Variants in EFS observed in about 807,000 individuals in gnomAD.
The protein encoded by EFS is embryonal Fyn-associated substrate.
EFS carries 34 observed loss-of-function variants against 42.2 expected under a neutral mutation model. That is an observed-to-expected ratio of 0.81 (90% CI 0.61 to 1.07). EFS has a LOEUF of 1.07. Among genes scored for constraint, EFS ranks in the 50% least tolerant of loss-of-function variants. EFS has a pLI of 0.00. For synonymous variants in EFS, 299 were observed against 320.7 expected (o/e 0.93, Z 0.72); for missense variants, 717 against 729.4 (o/e 0.98, Z 0.20).
In EFS at chr14:23,357,583, G is replaced by A. The variant is rs2231811; in HGVS notation, c.1329C>T (p.Cys443=). Residue 443 remains cysteine, a synonymous_variant, in exon 6 of 6, where the codon TGC becomes TGT. Coordinates refer to ENST00000216733, the MANE Select transcript of EFS (RefSeq NM_005864.4). ...LQLLYFYAGQ[C]QSHYSALQAA... Reference sequence around the variant, plus strand: ...CCTGCAGGGCTGAGTAGTGGCTCTGGCATTGCCCAGCATAGAAGTACAGGA... The same window carrying A: ...CCTGCAGGGCTGAGTAGTGGCTCTGACATTGCCCAGCATAGAAGTACAGGA... 72,368 of 1,599,832 alleles carry A rather than the reference G, an allele frequency of 0.045. 2,295 individuals are homozygous for A. The highest frequency in any genetic ancestry group is 0.13 in the South Asian group (11,883 of 89,724).
In EFS at chr14:23,359,675, G is replaced by T; in HGVS notation, c.803C>A (p.Pro268His). The change falls in exon 4 of 6, where the codon CCC (proline) becomes CAC (histidine). Residue 268 changes from proline (P) to histidine (H), a missense_variant. Physicochemically the swap from Pro to His is moderately conservative, Grantham distance 77 (BLOSUM62 -2). Transcript: ENST00000216733. Reference sequence around the variant, plus strand: ...GTCATGGGAGGCCAAGGCTCCAGGGGGCTCTGGAGAAGGGGGAGCCTCTGG... The same window carrying T: ...GTCATGGGAGGCCAAGGCTCCAGGGTGCTCTGGAGAAGGGGGAGCCTCTGG... Reference protein sequence around the residue: ...LGPEAPPSPEPPGALASHDQD... With the variant: ...LGPEAPPSPEHPGALASHDQD... 1 of 1,511,112 alleles carries T rather than the reference G, an allele frequency of 6.6e-7. No homozygotes were observed. The highest frequency in any genetic ancestry group is 8.8e-7 in the Non-Finnish European group (1 of 1,131,660). The allele number at this position is 1,511,112 out of a possible 1,614,324, so 93.6% of individuals were successfully genotyped here.
In EFS at chr14:23,359,738, C is replaced by T. The variant is rs774621751; in HGVS notation, c.740G>A (p.Gly247Asp). 7.9e-6 allele frequency: 12 copies of T among 1,516,236 alleles called. No individual in the cohort carries two copies. Among genetic ancestry groups the T allele is most frequent in the East Asian group, 6.9e-5 (3 of 43,426 alleles). 93.9% of individuals were successfully genotyped at this position (1,516,236 alleles called of 1,614,324 possible). A position where few individuals can be genotyped will look rare whatever the true frequency, so the allele number is the denominator to read the frequency against. The change falls in exon 4 of 6, where the codon GGC (glycine) becomes GAC (aspartate). Residue 247 changes from glycine (G) to aspartate (D), a missense_variant. Transcript: ENST00000216733. The part of the protein sequence containing the change: ...EELLADGEGG[G>D]TDEGIYDVPL... ...CACATCGTAGATCCCCTCATCAGTG[C>T]CCCCGCCCTCCCCGTCTGCCAGCAG... is the stretch of plus-strand genomic sequence containing the variant.
Position 23,359,453 on chromosome 14 carries a change from G to T in EFS, c.1025C>A (p.Pro342His). The T allele has an allele frequency of 6.2e-7, 1 of 1,604,646 alleles. No individual in the cohort carries two copies. The highest frequency in any genetic ancestry group is 8.5e-7 in the Non-Finnish European group (1 of 1,175,954). ...GGGGCCTCCATAACCAGGCAGGCGG[G>T]GTGGGGGTGGGGGCAGAGGCCGGTC... ...IQDRPLPPPP[P>H]RLPGYGGPKV... Residue 342 changes from proline (P) to histidine (H), a missense_variant, in exon 4 of 6, where the codon CCC becomes CAC. Coordinates refer to ENST00000216733, the MANE Select transcript of EFS (RefSeq NM_005864.4).
chr14:23,359,839 C>A lies in EFS; in HGVS notation c.639G>T (p.Gly213=). ...DLEWEGGREP[G]PPIYAAPSNL... Reference sequence around the variant, plus strand: ...TGGAGGGGGCAGCATAGATGGGGGGCCCCGGCTCCCGGCCTCCTTCCCACT... The same window carrying A: ...TGGAGGGGGCAGCATAGATGGGGGGACCCGGCTCCCGGCCTCCTTCCCACT... Residue 213 remains glycine, a synonymous_variant, in exon 4 of 6, where the codon GGG becomes GGT. Coordinates refer to ENST00000216733, the MANE Select transcript of EFS (RefSeq NM_005864.4). 6.6e-7 allele frequency: 1 copy of A among 1,523,384 alleles called. No homozygotes were observed. The highest frequency in any genetic ancestry group is 8.8e-7 in the Non-Finnish European group (1 of 1,138,918). The allele number at this position is 1,523,384 out of a possible 1,614,324, so 94.4% of individuals were successfully genotyped here.
At position 23,360,847 on chromosome 14, in the gene EFS, T is replaced by C; in HGVS notation, c.19-14A>G. On this transcript the variant is annotated splice_polypyrimidine_tract_variant and intron_variant, in intron 1 of 5. Transcript: ENST00000216733. ...GGCCAGCTGGGTCTGGTTGGGGAGG[T>C]GGGAGTGGGGAGAAGGGTCTTCAGA... 6.2e-7 allele frequency: 1 copy of C among 1,602,746 alleles called. No individual in the cohort carries two copies. Among genetic ancestry groups the C allele is most frequent in the Non-Finnish European group, 8.5e-7 (1 of 1,173,932 alleles).
rs769019153 is a variant in EFS, at chr14:23,364,976, C to T, written c.18+32G>A. ...CGCAGGGCAGGCCGTGGAGGTCTCT[C>T]CCCGGCAGCCTCCACTCCCTGGTGG... On this transcript the variant is annotated intron_variant, in intron 1 of 5. Transcript: ENST00000216733. 10 of 1,294,732 alleles carry T rather than the reference C, an allele frequency of 7.7e-6. No homozygotes were observed. The African/African-American group carries it at 1.2e-4, about 16-fold the overall frequency. The allele number at this position is 1,294,732 out of a possible 1,614,324, so 80.2% of individuals were successfully genotyped here. A position where few individuals can be genotyped will look rare whatever the true frequency, so the allele number is the denominator to read the frequency against.
Position 23,360,764 on chromosome 14 carries a change from C to T in EFS, c.88G>A (p.Asp30Asn), listed in dbSNP as rs993600542. Reference sequence around the variant, plus strand: ...TCTCTCTGCAGGACCCGTAGGACATCCCCTCGGCGGAAGGACAGCTCCTGG... The same window carrying T: ...TCTCTCTGCAGGACCCGTAGGACATTCCCTCGGCGGAAGGACAGCTCCTGG... ...SPQELSFRRG[D>N]VLRVLQREGA... is the part of the protein sequence containing the mutation. Residue 30 changes from aspartate to asparagine, a missense_variant, in exon 2 of 6, where the codon GAT (aspartate) becomes AAT (asparagine). Coordinates refer to ENST00000216733, the MANE Select transcript of EFS (RefSeq NM_005864.4). The T allele has an allele frequency of 6.2e-7, 1 of 1,613,928 alleles. No homozygotes were observed. The highest frequency in any genetic ancestry group is 1.3e-5 in the African/African-American group (1 of 74,922).
At position 23,358,933 on chromosome 14, in the gene EFS, C is replaced by T. The variant is rs754723164; in HGVS notation, c.1194G>A (p.Pro398=). 1.3e-5 allele frequency: 21 copies of T among 1,612,930 alleles called. No homozygotes were observed. The highest frequency in any genetic ancestry group is 2.7e-5 in the African/African-American group (2 of 74,882). ...GMDKAQGSRP[P]DQACTGDPEL... ...CAGGATCCCCTGTGCAGGCCTGATCCGGGGGCCTAGATCCCTGAGCTTTGT... is the reference window on the plus strand; with the variant it reads ...CAGGATCCCCTGTGCAGGCCTGATCTGGGGGCCTAGATCCCTGAGCTTTGT... Residue 398 remains proline, a synonymous_variant, in exon 5 of 6, where the codon CCG becomes CCA. Coordinates refer to ENST00000216733, the MANE Select transcript of EFS (RefSeq NM_005864.4).
intron 3 of EFS, 37 bp from the exon 4 acceptor site, chr14:23,360,076 C>T (rs374940836): frequency 1.9e-4 from 305 of 1,614,036 alleles, no homozygotes; most frequent in Non-Finnish European, 2.3e-4. Context: ...GTCAGCTCAG[C>T]GATGAACCCT....
intron 1 of EFS, among the ~76,000 whole-genome samples, chr14:23,363,075 G>C (rs931973556): frequency 6.6e-6 from 1 of 151,870 alleles, no homozygotes; most frequent in African/African-American, 2.4e-5. Context: ...CACCACGCCC[G>C]GCTAATTTTT....
In EFS at chr14:23,359,429, G is replaced by C; in HGVS notation, c.1049C>G (p.Pro350Arg). 1 of 1,610,448 alleles carries C rather than the reference G, an allele frequency of 6.2e-7. No individual in the cohort carries two copies. The highest frequency in any genetic ancestry group is 8.5e-7 in the Non-Finnish European group (1 of 1,179,026). ...GCCCTCTGGATCCCCCTCGACCTTG[G>C]GGCCTCCATAACCAGGCAGGCGGGG... ...PPPRLPGYGG[P>R]KVEGDPEGRE... Residue 350 changes from proline (P) to arginine (R), a missense_variant, in exon 4 of 6, where the codon CCC (proline) becomes CGC (arginine). Physicochemically the swap from Pro to Arg is moderately radical, Grantham distance 103. Transcript: ENST00000216733.
At position 23,357,284 on chromosome 14, in the gene EFS, G is replaced by A. The variant is rs751826895; in HGVS notation, c.1628C>T (p.Thr543Ile). 3 of 1,601,454 alleles carry A rather than the reference G, an allele frequency of 1.9e-6. No homozygotes were observed. Among genetic ancestry groups the A allele is most frequent in the East Asian group, 2.2e-5 (1 of 44,566 alleles). Reference protein sequence around the residue: ...PAIQEMVQCVTELAGQALQFT... With the variant: ...PAIQEMVQCVIELAGQALQFT... ...TTGCAGGGCCTGCCCTGCCAGTTCT[G>A]TTACACACTGCACCATCTCTTGGAT... is the stretch of plus-strand genomic sequence containing the variant. Residue 543 changes from threonine to isoleucine, a missense_variant, in exon 6 of 6, where the codon ACA (threonine) becomes ATA (isoleucine). Coordinates refer to ENST00000216733, the MANE Select transcript of EFS (RefSeq NM_005864.4).
rs776281933 is a variant in EFS, at chr14:23,360,558, C to T, written c.294G>A (p.Gln98=). 5 of 1,540,058 alleles carry T rather than the reference C, an allele frequency of 3.2e-6. No individual in the cohort carries two copies. In the East Asian group the frequency reaches 1.1e-4, roughly 35 times the overall value. Residue 98 remains glutamine (Q), a synonymous_variant, in exon 2 of 6, where the codon CAG becomes CAA. Transcript: ENST00000216733. ...TTGGGGAGGCTCCCACTCTCACCTC[C>T]TGGTCCTCATTGCTGTGATCTGGGG... ...YPAPDHSNED[Q]EVYVVPPPAR... is the part of the protein sequence containing the mutation.
At chr14:23,362,170 C>G (rs1890175537) in intron 1 of EFS, among the ~76,000 whole-genome samples, 1 of 152,202 alleles carries the variant, frequency 6.6e-6, no homozygotes, top group Non-Finnish European at 1.5e-5. Flanking sequence ...TAGAATCAAG[C>G]TAAAACCACT....
intron 1 of EFS, among the ~76,000 whole-genome samples, chr14:23,364,098 T>C (rs1595030857): frequency 6.6e-6 from 1 of 152,032 alleles, no homozygotes; most frequent in Admixed American, 6.6e-5. Flanking sequence ...CTCGCTTCCC[T>C]GGGAATCTTA....
intron 1 of EFS, among the ~76,000 whole-genome samples, chr14:23,361,850 T>G (rs1890165242): frequency 6.6e-6 from 1 of 152,238 alleles, no homozygotes; most frequent in South Asian, 2.1e-4. Context: ...GGGACTGTCA[T>G]TACCCCATTT....
Position 23,360,305 on chromosome 14 carries a change from G to A in EFS, c.298-24C>T, listed in dbSNP as rs537153432. On this transcript the variant is annotated intron_variant, in intron 2 of 5. Coordinates refer to ENST00000216733, the MANE Select transcript of EFS (RefSeq NM_005864.4). Reference sequence around the variant, plus strand: ...ACCTGAGGGATCAAATAGATGGGGGGTCAGGAGGAACGGAGGGGCCGGTGA... The same window carrying A: ...ACCTGAGGGATCAAATAGATGGGGGATCAGGAGGAACGGAGGGGCCGGTGA... 6 of 1,596,444 alleles carry A rather than the reference G, an allele frequency of 3.8e-6. No individual in the cohort carries two copies. The African/African-American group carries it at 5.4e-5, about 14-fold the overall frequency.
In EFS at chr14:23,357,676, A is replaced by G; in HGVS notation, c.1252-16T>C. 6.7e-7 allele frequency: 1 copy of G among 1,503,460 alleles called. No homozygotes were observed. Among genetic ancestry groups the G allele is most frequent in the South Asian group, 1.4e-5 (1 of 73,364 alleles). 93.1% of individuals were successfully genotyped at this position (1,503,460 alleles called of 1,614,324 possible). ...ACAGGGCCTCCTGAAGGGCAAGAGG[A>G]GTGGTCAGAGAGAACATTCTCATGA... On this transcript the variant is annotated splice_polypyrimidine_tract_variant and intron_variant, in intron 5 of 5. Transcript: ENST00000216733.
chr14:23,363,768 C>G (rs997254503), intron 1 of EFS, among the ~76,000 whole-genome samples: 7 of 151,934 alleles, frequency 4.6e-5, no homozygotes, highest in African/African-American at 1.5e-4. Context: ...CGAAACCCTG[C>G]CTCTACAAAA....
Sources: allele counts gnomAD v4.1 joint callset (sites outside exome capture counted in the v4.1 genomes callset), GRCh38; gene constraint gnomAD v4.1.1; transcripts MANE v1.5; gene names NCBI Gene and HGNC (gene_info 2026-07-23, HGNC 2026-07-21).